KRT33A: variants seen among roughly 807,000 people sequenced by gnomAD.
KRT33A encodes the protein keratin, type I cuticular Ha3-I.
In KRT33A, 44 loss-of-function variants were observed where a neutral mutation model predicts 41.1. That is an observed-to-expected ratio of 1.07 (90% confidence interval 0.84 to 1.38). KRT33A has a LOEUF of 1.38. Ranked by LOEUF, KRT33A falls within the 40% of genes most tolerant of loss-of-function variation. The pLI is 0.00. For missense variants in KRT33A, 536 were observed against 518.5 expected, an observed-to-expected ratio of 1.03 and a Z score of -0.33; for synonymous variants, 229 against 227.8, an observed-to-expected ratio of 1.01 and a Z score of -0.05.
At chr17:41,348,343 C>G in intron 3 of KRT33A, 140 bp downstream of exon 3, 1 of 838,552 alleles carries the variant, frequency 1.2e-6, no homozygotes, top group South Asian at 1.8e-5. Flanking sequence ...TTAGATTAGT[C>G]ATTCTCTACA....
rs151076240 is a variant in KRT33A at position 41,347,092 on chromosome 17, C to T, written c.719G>A (p.Arg240His). 2.7e-4 allele frequency: 441 copies of T among 1,613,882 alleles called. No individual in the cohort carries two copies. Among genetic ancestry groups the T allele is most frequent in the Non-Finnish European group, 3.4e-4 (400 of 1,179,958 alleles). Residue 240 changes from arginine to histidine, a missense_variant, in exon 4 of 7, where the codon CGC (arginine) becomes CAC (histidine). Coordinates refer to ENST00000007735, the MANE Select transcript of KRT33A (RefSeq NM_004138.4). ...SQYEALVETN[R>H]REVEQWFATQ... ...GGCGAACCATTGCTCCACTTCCCTG[C>T]GGTTGGTTTCCACCAGGGCCTCATA... is the stretch of plus-strand genomic sequence containing the variant.
rs776750179 is a variant in KRT33A, at chr17:41,350,495, C to A, written c.273G>T (p.Arg91=). 3.1e-6 allele frequency: 5 copies of A among 1,614,134 alleles called. No homozygotes were observed. The highest frequency in any genetic ancestry group is 4.2e-6 in the Non-Finnish European group (5 of 1,180,038). ...ACACCAAGGGCTCCTGCTGCTGTGA[C>A]CGCTCCCGGATGAGGTTCTCCAGCT... ...NAELENLIRE[R]SQQQEPLVCA... The change falls in exon 1 of 7, where the codon CGG becomes CGT. Residue 91 remains arginine (R), a synonymous_variant. Transcript: ENST00000007735.
intron 3 of KRT33A, among the ~76,000 whole-genome samples, chr17:41,347,968 G>A (rs1415921391): frequency 1.3e-5 from 2 of 152,176 alleles, no homozygotes; most frequent in Non-Finnish European, 2.9e-5. Context: ...TGGATTTCAG[G>A]TTGCATAAAA....
chr17:41,349,827 A>T (rs1401831735), intron 1 of KRT33A, among the ~76,000 whole-genome samples: 1 of 151,910 alleles, frequency 6.6e-6, no homozygotes, highest in Non-Finnish European at 1.5e-5. Flanking sequence ...AGGGGACTGG[A>T]TCAGGGAAGA....
chr17:41,346,437 C>T lies in KRT33A; in HGVS notation c.1097+11G>A, dbSNP rs770668129. On this transcript the variant is annotated intron_variant, in intron 6 of 6. Coordinates refer to ENST00000007735, the MANE Select transcript of KRT33A (RefSeq NM_004138.4). ...ATGCCCCAAGGAGAAGATTACTACC[C>T]CCATACTGACTTGCAGTCCTCGCTC... 3.1e-6 allele frequency: 5 copies of T among 1,613,932 alleles called. No homozygotes were observed. The South Asian group carries it at 5.5e-5, about 18-fold the overall frequency.
Position 41,350,754 on chromosome 17 carries a change from C to A in KRT33A, c.14G>T (p.Cys5Phe). 6.2e-7 allele frequency: 1 copy of A among 1,611,440 alleles called. No individual in the cohort carries two copies. The highest frequency in any genetic ancestry group is 8.5e-7 in the Non-Finnish European group (1 of 1,179,420). The part of the protein sequence containing the change: MSYS[C>F]GLPSLSCRTS... ...GCGGCAGCTCAGGCTGGGCAGGCCA[C>A]AACTGTAAGACATGGTGCAGGGAGG... Residue 5 changes from cysteine to phenylalanine, a missense_variant, in exon 1 of 7, where the codon TGT becomes TTT. Cys to Phe is a radical substitution (Grantham distance 205). Transcript: ENST00000007735.
At chr17:41,350,357 A>G (rs181183294) in intron 1 of KRT33A, 63 bp downstream of exon 1, 21 of 1,563,524 alleles carry the variant, frequency 1.3e-5, no homozygotes, top group African/African-American at 5.4e-5. Context: ...TTGTTTCTCA[A>G]TCACAACTCG....
At position 41,346,134 on chromosome 17, in the gene KRT33A, G is replaced by T. The variant is rs1359854180; in HGVS notation, c.1200C>A (p.Asn400Lys). 1 of 1,612,942 alleles carries T rather than the reference G, an allele frequency of 6.2e-7. No individual in the cohort carries two copies. Among genetic ancestry groups the T allele is most frequent in the African/African-American group, 1.3e-5 (1 of 74,860 alleles). ...TGTGGGGCCTCTAGTACCCAAATGT[G>T]TTGCAAGGCCCACACCGAGCACGTA... ...CGLRARCGPC[N>K]TFGY The change falls in exon 7 of 7, where the codon AAC becomes AAA. Residue 400 changes from asparagine to lysine, a missense_variant. Coordinates refer to ENST00000007735, the MANE Select transcript of KRT33A (RefSeq NM_004138.4).
chr17:41,349,569 A>G, intron 1 of KRT33A, 141 bp from the exon 2 acceptor site: 1 of 724,990 alleles, frequency 1.4e-6, no homozygotes, highest in South Asian at 2.3e-5. Flanking sequence ...TACTCAATGA[A>G]TATTTCCAAA....
chr17:41,349,786 A>G (rs2017478595), intron 1 of KRT33A, among the ~76,000 whole-genome samples: 1 of 151,814 alleles, frequency 6.6e-6, no homozygotes, highest in Non-Finnish European at 1.5e-5. Context: ...TCAATCAAGC[A>G]GAAAAGACAA....
chr17:41,346,612 C>T lies in KRT33A; in HGVS notation c.933G>A (p.Leu311=), dbSNP rs763654339. 2.5e-6 allele frequency: 4 copies of T among 1,614,260 alleles called. No homozygotes were observed. The South Asian group carries it at 4.4e-5, about 18-fold the overall frequency. The change falls in exon 6 of 7, where the codon CTG becomes CTA. Residue 311 remains leucine (L), a synonymous_variant. Transcript: ENST00000007735. The stretch of plus-strand genomic sequence containing the variant: ...TGGTGATCAGTCTCTGCACCTGGGA[C>T]AGCTGGGAGCTGTAGCGGGCCTCGC... ...TESEARYSSQ[L]SQVQRLITNV...
intron 1 of KRT33A, 70 bp downstream of exon 1, chr17:41,350,346 GTTGT>G: frequency 6.5e-7 from 1 of 1,539,168 alleles, no homozygotes; most frequent in Non-Finnish European, 8.8e-7. Context: ...AAGAGCTTAC[GTTGT>G]TTCTCAATCA....
chr17:41,350,276 A>G (rs915769186), intron 1 of KRT33A, 144 bp downstream of exon 1: 1 of 885,762 alleles, frequency 1.1e-6, no homozygotes, highest in Non-Finnish European at 1.7e-6. Flanking sequence ...CAAGTCTAGT[A>G]TTAGATGGGC....
At position 41,346,924 on chromosome 17, in the gene KRT33A, G is replaced by A. The variant is rs1009353962; in HGVS notation, c.796C>T (p.Gln266Ter). Reference sequence around the variant, plus strand: ...TCGATGATCTCCGCCTGGTAGGACTGCAGCTGCTCCGAGCTGGATACCACC... The same window carrying A: ...TCGATGATCTCCGCCTGGTAGGACTACAGCTGCTCCGAGCTGGATACCACC... The part of the protein sequence containing the change: ...KQVVSSSEQL[Q>*]SYQAEIIELR... The change falls in exon 5 of 7, where the codon CAG becomes TAG. Residue 266 changes from glutamine to a stop codon, truncating the protein, a stop_gained. Transcript: ENST00000007735. LOFTEE classifies it high-confidence loss of function. 1.9e-6 allele frequency: 3 copies of A among 1,613,380 alleles called. No individual in the cohort carries two copies. Among genetic ancestry groups the A allele is most frequent in the Non-Finnish European group, 2.5e-6 (3 of 1,180,026 alleles).
In KRT33A at chr17:41,347,093, G is replaced by C. The variant is rs771802616; in HGVS notation, c.718C>G (p.Arg240Gly). 2.5e-6 allele frequency: 4 copies of C among 1,614,088 alleles called. No individual in the cohort carries two copies. The highest frequency in any genetic ancestry group is 3.3e-5 in the Admixed American group (2 of 60,024). The part of the protein sequence containing the change: ...SQYEALVETN[R>G]REVEQWFATQ... ...GCGAACCATTGCTCCACTTCCCTGC[G>C]GTTGGTTTCCACCAGGGCCTCATAC... is the stretch of plus-strand genomic sequence containing the variant. Residue 240 changes from arginine to glycine, a missense_variant, in exon 4 of 7, where the codon CGC (arginine) becomes GGC (glycine). Arg to Gly is a moderately radical substitution (Grantham distance 125). Coordinates refer to ENST00000007735, the MANE Select transcript of KRT33A (RefSeq NM_004138.4).
chr17:41,348,438 A>G, intron 3 of KRT33A, 45 bp downstream of exon 3: 1 of 1,609,392 alleles, frequency 6.2e-7, no homozygotes, highest in Non-Finnish European at 8.5e-7. Flanking sequence ...CAGTTGTGAA[A>G]CAGGTCCTGG....
chr17:41,350,482 C>T lies in KRT33A; in HGVS notation c.286G>A (p.Glu96Lys). The change falls in exon 1 of 7, where the codon GAG becomes AAG. Residue 96 changes from glutamate to lysine, a missense_variant. Transcript: ENST00000007735. ...TGGTAGCTGGCACACACCAAGGGCT[C>T]CTGCTGCTGTGACCGCTCCCGGATG... ...NLIRERSQQQ[E>K]PLVCASYQSY... is the part of the protein sequence containing the mutation. 2 of 1,614,100 alleles carry T rather than the reference C, an allele frequency of 1.2e-6. No individual in the cohort carries two copies. The highest frequency in any genetic ancestry group is 8.5e-7 in the Non-Finnish European group (1 of 1,180,036).
rs536757959 is a variant in KRT33A at position 41,350,751 on chromosome 17, C to G, written c.17G>C (p.Gly6Ala). The G allele has an allele frequency of 1.2e-6, 2 of 1,611,584 alleles. No individual in the cohort carries two copies. Among genetic ancestry groups the G allele is most frequent in the East Asian group, 4.5e-5 (2 of 44,860 alleles). The change falls in exon 1 of 7, where the codon GGC becomes GCC. Residue 6 changes from glycine (G) to alanine (A), a missense_variant. Transcript: ENST00000007735. The part of the protein sequence containing the change: MSYSC[G>A]LPSLSCRTSC... ...GGTGCGGCAGCTCAGGCTGGGCAGG[C>G]CACAACTGTAAGACATGGTGCAGGG... is the stretch of plus-strand genomic sequence containing the variant.
intron 1 of KRT33A, 111 bp downstream of exon 1, chr17:41,350,309 G>A: frequency 7.6e-7 from 1 of 1,310,670 alleles, no homozygotes; most frequent in South Asian, 1.5e-5. Context: ...AAATGGAAAG[G>A]CCAGTTTTCA....
Sources: gnomAD v4.1 joint callset for allele counts (sites outside exome capture counted in the v4.1 genomes callset) on GRCh38, gnomAD v4.1.1 for gene constraint, MANE v1.5 for transcripts, NCBI Gene and HGNC (gene_info 2026-07-23, HGNC 2026-07-21) for gene names.